The following CDH2 variants were observed in gnomAD, a reference collection of about 807,000 sequenced individuals.
CDH2 encodes the protein cadherin-2.
A neutral mutation model predicts 92.0 loss-of-function variants in CDH2; 17 were observed. The observed-to-expected ratio is 0.18, with a 90% CI of 0.13 to 0.28. The LOEUF is 0.28. CDH2 is among the 10% of genes least tolerant of loss of function. The probability of loss-of-function intolerance (pLI) is 1.00; values close to 1 mark genes in which losing one functional copy is unlikely to be tolerated. For synonymous variants in CDH2, 419 were observed against 415.9 expected (o/e 1.01, Z -0.09); for missense variants, 862 against 1,133.1 (o/e 0.76, Z 3.44).
At chr18:28,030,337 G>C (rs532737848) in intron 2 of CDH2, among the ~76,000 whole-genome samples, 2 of 151,862 alleles carry the variant, frequency 1.3e-5, no homozygotes, top group African/African-American at 4.8e-5. Context: ...CTAAAAAAAG[G>C]ACTTTTTTAA....
intron 1 of CDH2, among the ~76,000 whole-genome samples, chr18:28,175,942 C>T (rs1272481705): frequency 2.6e-5 from 4 of 152,170 alleles, no homozygotes; most frequent in African/African-American, 4.8e-5. Context: ...CCGGCCGAGG[C>T]TGTGTGAAGT....
intron 1 of CDH2, among the ~76,000 whole-genome samples, chr18:28,163,936 G>A (rs1267586876): frequency 6.6e-6 from 1 of 152,136 alleles, no homozygotes; most frequent in Non-Finnish European, 1.5e-5. Flanking sequence ...GGAGAGAGGG[G>A]AATGGATGCA....
chr18:27,957,604 C>A (rs2011284954), intron 15 of CDH2, among the ~76,000 whole-genome samples: 2 of 152,098 alleles, frequency 1.3e-5, no homozygotes, highest in African/African-American at 4.8e-5. Flanking sequence ...ACATCCCTTT[C>A]TACAGAGGCT....
At chr18:28,169,908 T>C (rs900067170) in intron 1 of CDH2, among the ~76,000 whole-genome samples, 7 of 152,254 alleles carry the variant, frequency 4.6e-5, no homozygotes, top group African/African-American at 1.7e-4. Flanking sequence ...AATGTTCTTC[T>C]GTATCTCCAG....
chr18:27,975,161 G>A (rs1469135274), intron 14 of CDH2, among the ~76,000 whole-genome samples: 1 of 152,196 alleles, frequency 6.6e-6, no homozygotes, highest in African/African-American at 2.4e-5. Flanking sequence ...AGACTGAGAA[G>A]AAAACGGAGC....
In CDH2 at chr18:28,170,993, C is replaced by T. The variant is rs951288450; in HGVS notation, c.60+5970G>A. Among the ~76,000 whole-genome samples, 158 of 151,414 alleles carry T rather than the reference C, an allele frequency of 1.0e-3. 1 individual carries two copies. Among genetic ancestry groups the T allele is most frequent in the African/African-American group, 3.7e-3 (151 of 41,296 alleles). On this transcript the variant is annotated intron_variant, in intron 1 of 15. Transcript: ENST00000269141. ...TCTGTAATCCGAGCACTTCGGGAGG[C>T]CGAGGCAGGCGGATTCCCTGAAGTC...
chr18:27,984,434 C>T (rs1041243644), intron 13 of CDH2, among the ~76,000 whole-genome samples: 3 of 152,156 alleles, frequency 2.0e-5, no homozygotes, highest in African/African-American at 7.2e-5. Context: ...CCTTAATCTA[C>T]ACTTACTCTA....
intron 2 of CDH2, among the ~76,000 whole-genome samples, chr18:28,139,411 CTT>C (rs1414762742): frequency 1.3e-4 from 20 of 151,988 alleles, no homozygotes; most frequent in Admixed American, 1.2e-3. Flanking sequence ...CCAATTTCTT[CTT>C]TTTCTTTTAA....
chr18:28,043,195 G>A (rs1364694641), intron 2 of CDH2, among the ~76,000 whole-genome samples: 3 of 151,882 alleles, frequency 2.0e-5, no homozygotes, highest in Admixed American at 6.6e-5. Flanking sequence ...AGGTAACTCA[G>A]GAATAGAAAA....
chr18:27,937,664 G>A (rs941243632), intron 6 of CDH2, among the ~76,000 whole-genome samples: 8 of 152,092 alleles, frequency 5.3e-5, no homozygotes, highest in African/African-American at 1.9e-4. Context: ...AGGCCTGTGA[G>A]CTGCACAACA....
At chr18:28,098,656 G>A (rs1434183085) in intron 2 of CDH2, among the ~76,000 whole-genome samples, 1 of 151,852 alleles carries the variant, frequency 6.6e-6, no homozygotes, top group African/African-American at 2.4e-5. Flanking sequence ...CCTACACATG[G>A]GGGCCATTTT....
intron 9 of CDH2, 108 bp downstream of exon 9, chr18:27,992,547 C>G (rs2012450528): frequency 1.1e-6 from 1 of 895,088 alleles, no homozygotes; most frequent in African/African-American, 1.7e-5. Flanking sequence ...CTGGAGATGT[C>G]TGAAAGAAAA....
intron 2 of CDH2, among the ~76,000 whole-genome samples, chr18:28,132,524 G>A (rs1357129044): frequency 6.6e-6 from 1 of 152,108 alleles, no homozygotes; most frequent in African/African-American, 2.4e-5. Context: ...AAAGACAGAG[G>A]CAACGGGTGG....
intron 15 of CDH2, chr18:27,954,624 TTAAG>T (rs1417066833): frequency 3.3e-5 from 5 of 152,188 alleles, no homozygotes; most frequent in Non-Finnish European, 7.3e-5. Context: ...GACTTACAAC[TTAAG>T]TAAGAAGTAA....
intron 1 of CDH2, among the ~76,000 whole-genome samples, chr18:28,163,035 A>G (rs1199740035): frequency 6.6e-6 from 1 of 152,218 alleles, no homozygotes; most frequent in Non-Finnish European, 1.5e-5. Flanking sequence ...AATGAGAAAC[A>G]CACAGCAAGG....
chr18:27,933,413 T>TATAAAACAATTATAG (rs1449486120), intron 6 of CDH2, among the ~76,000 whole-genome samples: 49 of 152,334 alleles, frequency 3.2e-4, no homozygotes, highest in African/African-American at 1.2e-3. Flanking sequence ...ATAGGTATGT[T>TATAAAACAATTATAG]GTGAAATAAT....
intron 2 of CDH2, among the ~76,000 whole-genome samples, chr18:28,061,409 G>C (rs879065098): frequency 6.6e-6 from 1 of 152,088 alleles, no homozygotes; most frequent in Non-Finnish European, 1.5e-5. Flanking sequence ...TTGGGAGGCC[G>C]AGACAGATAG....
At chr18:28,017,977 C>T (rs879508841) in intron 2 of CDH2, among the ~76,000 whole-genome samples, 2 of 152,038 alleles carry the variant, frequency 1.3e-5, no homozygotes, top group Admixed American at 6.6e-5. Context: ...GTCAAACTGT[C>T]GCTGTTTGCT....
intron 14 of CDH2, among the ~76,000 whole-genome samples, chr18:27,966,727 A>ATT (rs1483594269): frequency 2.0e-5 from 3 of 152,222 alleles, no homozygotes; most frequent in African/African-American, 7.2e-5. Flanking sequence ...ACATACTTAC[A>ATT]TAATAGCAAA....
Sources: allele counts gnomAD v4.1 joint callset (sites outside exome capture counted in the v4.1 genomes callset), GRCh38; gene constraint gnomAD v4.1.1; transcripts MANE v1.5; gene names NCBI Gene and HGNC (gene_info 2026-07-23, HGNC 2026-07-21).